The following GRM8 variants were observed in gnomAD, a reference collection of about 807,000 sequenced individuals.
GRM8 encodes glutamate metabotropic receptor 8, also known as metabotropic glutamate receptor 8.
GRM8 carries 47 observed loss-of-function variants against 87.2 expected under a neutral mutation model. The observed-to-expected ratio is 0.54, with a 90% CI of 0.43 to 0.69. The LOEUF (loss-of-function observed/expected upper bound fraction) is 0.69. Among genes scored for constraint, GRM8 ranks in the 30% least tolerant of loss-of-function variants. GRM8 has a pLI of 0.00. For synonymous variants in GRM8, 396 were observed against 404.5 expected (o/e 0.98, Z 0.25); for missense variants, 1,019 against 1,139.2 (o/e 0.89, Z 1.52).
chr7:126,476,870 C>T (rs1326181569), intron 9 of GRM8, among the ~76,000 whole-genome samples: 2 of 151,784 alleles, frequency 1.3e-5, no homozygotes, highest in East Asian at 1.9e-4. Context: ...AACTGCCATA[C>T]AATCTAGCAC....
intron 9 of GRM8, among the ~76,000 whole-genome samples, chr7:126,513,768 A>T (rs1489819165): frequency 6.6e-6 from 1 of 152,132 alleles, no homozygotes; most frequent in African/African-American, 2.4e-5. Context: ...GTAGTAAGAG[A>T]AGGAGGACTT....
intron 3 of GRM8, among the ~76,000 whole-genome samples, chr7:127,071,570 T>C (rs1052666662): frequency 6.6e-6 from 1 of 152,194 alleles, no homozygotes; most frequent in South Asian, 2.1e-4. Flanking sequence ...GGGGGATTCA[T>C]TAGTTGGTCG....
chr7:126,447,625 CA>C (rs573070402), intron 9 of GRM8, among the ~76,000 whole-genome samples: 2 of 151,556 alleles, frequency 1.3e-5, no homozygotes, highest in Admixed American at 6.6e-5. Flanking sequence ...CAAAACAAAA[CA>C]AAAAAAACCA....
intron 3 of GRM8, among the ~76,000 whole-genome samples, chr7:126,993,429 C>T (rs1036738370): frequency 1.3e-5 from 2 of 151,858 alleles, no homozygotes; most frequent in African/African-American, 4.8e-5. Flanking sequence ...AGCAAGATGG[C>T]CAAATAAAAG....
chr7:126,748,003 G>A (rs1815912184), intron 7 of GRM8, among the ~76,000 whole-genome samples: 1 of 151,570 alleles, frequency 6.6e-6, no homozygotes, highest in Non-Finnish European at 1.5e-5. Flanking sequence ...TCTACAACTA[G>A]CTTATATCAC....
At chr7:126,906,268 T>C (rs1375400494) in intron 3 of GRM8, among the ~76,000 whole-genome samples, 1 of 152,136 alleles carries the variant, frequency 6.6e-6, no homozygotes, top group African/African-American at 2.4e-5. Context: ...CCTCCAGAAC[T>C]GTAAAAATAA....
intron 1 of GRM8, among the ~76,000 whole-genome samples, chr7:127,244,930 C>T (rs1798506276): frequency 6.6e-6 from 1 of 152,184 alleles, no homozygotes; most frequent in Admixed American, 6.5e-5. Flanking sequence ...CAGCCTAAGA[C>T]AAGTATTCCC....
chr7:127,028,082 A>G (rs1816973447), intron 3 of GRM8, among the ~76,000 whole-genome samples: 1 of 152,164 alleles, frequency 6.6e-6, no homozygotes, highest in Non-Finnish European at 1.5e-5. Context: ...ATCTACTGAG[A>G]TAATCATGTG....
At chr7:127,015,244 GAAGAAGAA>G (rs1815517957) in intron 3 of GRM8, among the ~76,000 whole-genome samples, 1 of 117,870 alleles carries the variant, frequency 8.5e-6, no homozygotes, top group Non-Finnish European at 1.8e-5. Context: ...AGAAGAAGAA[GAAGAAGAA>G]GAAGAAGAAA....
intron 3 of GRM8, among the ~76,000 whole-genome samples, chr7:126,964,564 A>G (rs566516130): frequency 2.6e-5 from 4 of 152,360 alleles, no homozygotes; most frequent in Non-Finnish European, 5.9e-5. Flanking sequence ...AAAAAAGCTC[A>G]TCATCACTGG....
At position 127,252,628 on chromosome 7, in the gene GRM8, G is replaced by A. The variant is rs1018843903; in HGVS notation, c.-312+169C>T. On this transcript the variant is annotated intron_variant, in intron 1 of 10. Coordinates refer to ENST00000339582, the MANE Select transcript of GRM8 (RefSeq NM_000845.3). This position sits in a 1 kb window ranked among gnomAD's most constrained non-coding sequence, Gnocchi z 4.9. ...GAAGGAATGGTGCACCTGGCTGTCC[G>A]CTGAAAGGTTTTAGAGAAGAAAACG... 1.2e-4 allele frequency among the ~76,000 whole-genome samples: 18 copies of A among 152,184 alleles called. No individual in the cohort carries two copies. The highest frequency in any genetic ancestry group is 4.1e-4 in the African/African-American group (17 of 41,440).
At chr7:126,478,614 C>T (rs1353905512) in intron 9 of GRM8, among the ~76,000 whole-genome samples, 1 of 152,056 alleles carries the variant, frequency 6.6e-6, no homozygotes, top group Non-Finnish European at 1.5e-5. Context: ...AATGATTTCT[C>T]TTAGAAGCTA....
intron 2 of GRM8, among the ~76,000 whole-genome samples, chr7:127,182,797 T>A (rs922505661): frequency 6.6e-6 from 1 of 151,274 alleles, no homozygotes; most frequent in Non-Finnish European, 1.5e-5. Context: ...AACTCAAGAA[T>A]GGAAAACCAA....
chr7:126,942,292 G>T (rs1036992572), intron 3 of GRM8, among the ~76,000 whole-genome samples: 28 of 152,272 alleles, frequency 1.8e-4, no homozygotes, highest in African/African-American at 6.5e-4. Context: ...CACCTGGCAG[G>T]CCTACATGCT....
chr7:126,864,224 T>G (rs1227756639), intron 6 of GRM8, among the ~76,000 whole-genome samples: 2 of 152,082 alleles, frequency 1.3e-5, no homozygotes, highest in Admixed American at 1.3e-4. Flanking sequence ...ATTTCACAGT[T>G]TCACTGTGAT....
chr7:126,459,185 T>G (rs1803599580), intron 9 of GRM8, among the ~76,000 whole-genome samples: 1 of 151,504 alleles, frequency 6.6e-6, no homozygotes, highest in Non-Finnish European at 1.5e-5. Flanking sequence ...TTTTTAATTC[T>G]AAAAGCAAAT....
At chr7:126,596,031 C>T (rs1797154670) in intron 8 of GRM8, among the ~76,000 whole-genome samples, 1 of 151,990 alleles carries the variant, frequency 6.6e-6, no homozygotes. Flanking sequence ...GGCTGAGCCA[C>T]AAGAATCGCT....
At chr7:126,952,771 T>C (rs944171542) in intron 3 of GRM8, among the ~76,000 whole-genome samples, 1 of 152,046 alleles carries the variant, frequency 6.6e-6, no homozygotes, top group East Asian at 1.9e-4. Context: ...ATAAGTATTC[T>C]ATACTCTTCA....
intron 7 of GRM8, among the ~76,000 whole-genome samples, chr7:126,751,726 G>A (rs963813765): frequency 6.6e-6 from 1 of 152,096 alleles, no homozygotes; most frequent in African/African-American, 2.4e-5. Context: ...CAATAGGGAG[G>A]GCTCCTTGCC....
Sources: gnomAD v4.1 joint callset for allele counts (sites outside exome capture counted in the v4.1 genomes callset) on GRCh38, gnomAD v4.1.1 for gene constraint, Gnocchi (gnomAD v3.1) non-coding constraint, MANE v1.5 for transcripts, NCBI Gene and HGNC (gene_info 2026-07-23, HGNC 2026-07-21) for gene names.